SLC71A2: variants seen among roughly 807,000 people sequenced by gnomAD.
The protein encoded by SLC71A2 is hippocampus abundant transcript-like 1.
chr9:94,420,341 C>T, the SLC71A2 span, among the ~76,000 whole-genome samples: 1 of 152,164 alleles, frequency 6.6e-6, no homozygotes, highest in Non-Finnish European at 1.5e-5. Context: ...AACTGATACC[C>T]ACAGAGCTGG....
At chr9:94,431,133 G>A in the SLC71A2 span, among the ~76,000 whole-genome samples, 1 of 152,126 alleles carries the variant, frequency 6.6e-6, no homozygotes, top group Admixed American at 6.5e-5. Flanking sequence ...TTAACATGGT[G>A]AAACTCCATC....
the SLC71A2 span, chr9:94,458,593 G>A: frequency 1.1e-6 from 1 of 877,378 alleles, no homozygotes; most frequent in Non-Finnish European, 1.8e-6. Flanking sequence ...AATAAGTATT[G>A]TGTTCATTGC....
At chr9:94,425,291 G>A in the SLC71A2 span, among the ~76,000 whole-genome samples, 1 of 152,136 alleles carries the variant, frequency 6.6e-6, no homozygotes, top group Non-Finnish European at 1.5e-5. Flanking sequence ...GTGACAGAGT[G>A]AGACTTTGAA....
chr9:94,415,464 C>T, the SLC71A2 span, among the ~76,000 whole-genome samples: 1 of 151,852 alleles, frequency 6.6e-6, no homozygotes, highest in Non-Finnish European at 1.5e-5. Flanking sequence ...TAGCACTGCA[C>T]TCTTATTGAA....
chr9:94,390,529 T>G, the SLC71A2 span, among the ~76,000 whole-genome samples: 1 of 151,710 alleles, frequency 6.6e-6, no homozygotes, highest in Non-Finnish European at 1.5e-5. Context: ...TCCATTCATT[T>G]TTAATCTTAT....
At chr9:94,458,562 T>G in the SLC71A2 span, 2 of 1,180,782 alleles carry the variant, frequency 1.7e-6, no homozygotes, top group South Asian at 2.6e-5. Flanking sequence ...TCTTGTATGT[T>G]ACTATATTTT....
chr9:94,421,930 C>A, the SLC71A2 span, among the ~76,000 whole-genome samples: 4,764 of 151,140 alleles, frequency 0.032, 87 homozygotes, highest in South Asian at 0.049. Flanking sequence ...TTCTTTTCCT[C>A]CGAGACAGAG....
the SLC71A2 span, among the ~76,000 whole-genome samples, chr9:94,396,597 T>C: frequency 2.0e-5 from 3 of 152,022 alleles, no homozygotes; most frequent in Admixed American, 6.5e-5. Flanking sequence ...ATAAATGTTG[T>C]AGGGTTTTTT....
At chr9:94,459,552 A>T in the SLC71A2 span, 1 of 720,290 alleles carries the variant, frequency 1.4e-6, no homozygotes, top group Admixed American at 3.1e-5. Flanking sequence ...CACCGCCATC[A>T]TTCTGCTCAT....
At chr9:94,456,809 TTGAG>T in the SLC71A2 span, among the ~76,000 whole-genome samples, 2 of 152,356 alleles carry the variant, frequency 1.3e-5, no homozygotes, top group East Asian at 1.9e-4. Context: ...TTGATAGATG[TTGAG>T]TGAGAGATGA....
chr9:94,411,834 G>A, the SLC71A2 span, among the ~76,000 whole-genome samples: 1 of 151,962 alleles, frequency 6.6e-6, no homozygotes, highest in Non-Finnish European at 1.5e-5. Flanking sequence ...CAAGTGATCC[G>A]CCTGCCTCAG....
At chr9:94,382,285 G>C in the SLC71A2 span, among the ~76,000 whole-genome samples, 1 of 152,050 alleles carries the variant, frequency 6.6e-6, no homozygotes, top group Admixed American at 6.6e-5. Flanking sequence ...CCTCAGCCTC[G>C]CAAAGTGCTG....
chr9:94,455,944 G>C, the SLC71A2 span, among the ~76,000 whole-genome samples: 1 of 152,134 alleles, frequency 6.6e-6, no homozygotes, highest in South Asian at 2.1e-4. Context: ...ACTTCATTGA[G>C]CTTATGTCTA....
the SLC71A2 span, among the ~76,000 whole-genome samples, chr9:94,390,063 A>T: frequency 6.6e-6 from 1 of 152,128 alleles, no homozygotes; most frequent in African/African-American, 2.4e-5. Context: ...AAATACAAAA[A>T]ATTAGCCGGG....
the SLC71A2 span, among the ~76,000 whole-genome samples, chr9:94,375,558 T>G: frequency 2.6e-5 from 4 of 152,200 alleles, no homozygotes; most frequent in Non-Finnish European, 1.5e-5. Flanking sequence ...TGTCAGTGGT[T>G]TCATATGGTG....
chr9:94,447,728 A>G, the SLC71A2 span, among the ~76,000 whole-genome samples: 5 of 152,234 alleles, frequency 3.3e-5, no homozygotes, highest in South Asian at 2.1e-4. Flanking sequence ...TGTACATTCT[A>G]TGGGTTTGGA....
the SLC71A2 span, chr9:94,459,349 A>G: frequency 1.2e-6 from 2 of 1,614,028 alleles, no homozygotes; most frequent in Non-Finnish European, 1.7e-6. Context: ...CACTACTGCA[A>G]GACAGCAGCA....
the SLC71A2 span, among the ~76,000 whole-genome samples, chr9:94,438,938 A>G: frequency 6.6e-6 from 1 of 151,994 alleles, no homozygotes; most frequent in Non-Finnish European, 1.5e-5. Context: ...AACATAGTTT[A>G]TATCATAATA....
the SLC71A2 span, among the ~76,000 whole-genome samples, chr9:94,396,612 CAT>C: frequency 6.6e-6 from 1 of 151,900 alleles, no homozygotes. Context: ...TTTTTTTGGC[CAT>C]ATGTTACTCA....
Sources: gnomAD v4.1 joint callset for allele counts (sites outside exome capture counted in the v4.1 genomes callset) on GRCh38, gnomAD v4.1.1 for gene constraint, MANE v1.5 for transcripts, NCBI Gene and HGNC (gene_info 2026-07-23, HGNC 2026-07-21) for gene names.